TCFL5: variants seen among roughly 807,000 people sequenced by gnomAD.
TCFL5 encodes transcription factor-like 5 protein.
TCFL5 carries 9 observed loss-of-function variants against 44.3 expected under a neutral mutation model. That is an observed-to-expected ratio of 0.20 (90% confidence interval 0.12 to 0.35). TCFL5 has a LOEUF of 0.35. Among genes scored for constraint, TCFL5 ranks in the 10% least tolerant of loss-of-function variants. TCFL5 has a pLI of 1.00. For missense variants in TCFL5, 603 were observed against 613.4 expected (o/e 0.98, Z 0.18); for synonymous variants, 319 against 271.6 (o/e 1.17, Z -1.72).
At chr20:62,855,289 GT>G (rs1341480440) in intron 4 of TCFL5, among the ~76,000 whole-genome samples, 1 of 152,128 alleles carries the variant, frequency 6.6e-6, no homozygotes, top group Non-Finnish European at 1.5e-5. Flanking sequence ...AGCCTCCCAA[GT>G]AGCTGGGGCG....
In TCFL5 at chr20:62,861,487, A is replaced by G. The variant is rs2064008657; in HGVS notation, c.184T>C (p.Cys62Arg). The G allele has an allele frequency of 1.7e-6, 2 of 1,194,954 alleles. No individual in the cohort carries two copies. Among genetic ancestry groups the G allele is most frequent in the African/African-American group, 1.6e-5 (1 of 61,410 alleles). The allele number at this position is 1,194,954 out of a possible 1,614,324, so 74.0% of individuals were successfully genotyped here. ...TCAGCCGCCGCCTCCATGTGCGAGC[A>G]GAGGATGTGCTGCAGCTGCGTGTAC... ...VEYTQLQHILCSHMEAAADGE... is the reference protein window; with the variant it reads ...VEYTQLQHILRSHMEAAADGE... The change falls in exon 1 of 6, where the codon TGC (cysteine) becomes CGC (arginine). Residue 62 changes from cysteine (C) to arginine (R), a missense_variant. By Grantham distance (180) the Cys-to-Arg change is radical. Coordinates refer to ENST00000335351, the MANE Select transcript of TCFL5 (RefSeq NM_006602.4). The surrounding 1 kb of genome is among the most constrained non-coding windows in gnomAD (Gnocchi z 4.0).
chr20:62,842,002 C>T lies in TCFL5; in HGVS notation c.1476G>A (p.Gln492=). ...ACTTGATCTCCATCGAGGGGCTGCTCTGTAAACTCCCCTGTGCAGGACAGG... is the reference window on the plus strand; with the variant it reads ...ACTTGATCTCCATCGAGGGGCTGCTTTGTAAACTCCCCTGTGCAGGACAGG... ...LVTCPAQGSL[Q]SSPSMEIK The change falls in exon 6 of 6, where the codon CAG becomes CAA. Residue 492 remains glutamine, a synonymous_variant. Coordinates refer to ENST00000335351, the MANE Select transcript of TCFL5 (RefSeq NM_006602.4). The surrounding 1 kb of genome is among the most constrained non-coding windows in gnomAD (Gnocchi z 4.3). 3 of 1,614,212 alleles carry T rather than the reference C, an allele frequency of 1.9e-6. No individual in the cohort carries two copies. Among genetic ancestry groups the T allele is most frequent in the Non-Finnish European group, 2.5e-6 (3 of 1,180,036 alleles).
At chr20:62,860,990 G>A (rs1207155101) in intron 1 of TCFL5, 34 bp downstream of exon 1, 6 of 991,746 alleles carry the variant, frequency 6.0e-6, no homozygotes, top group Non-Finnish European at 7.2e-6. Flanking sequence ...GCCTCCACCC[G>A]GGCCCCGCCA....
At chr20:62,853,144 C>CAGAAGTATAGTCACCCAGTCCACAGA (rs879404279) in intron 5 of TCFL5, among the ~76,000 whole-genome samples, 1 of 137,134 alleles carries the variant, frequency 7.3e-6, no homozygotes, top group African/African-American at 2.9e-5. Flanking sequence ...ACCCGGTCCA[C>CAGAAGTATAGTCACCCAGTCCACAGA]AGTATAGTCA....
chr20:62,846,171 A>G, intron 5 of TCFL5: 1 of 1,027,540 alleles, frequency 9.7e-7, no homozygotes, highest in South Asian at 1.5e-5. Flanking sequence ...ACGATAATTT[A>G]AAAAAAAAGA....
chr20:62,845,802 A>C (rs1471963126), intron 5 of TCFL5: 2 of 1,603,584 alleles, frequency 1.2e-6, no homozygotes, highest in African/African-American at 2.7e-5. Context: ...AGGTGTGGCA[A>C]TGTGTCCAGG....
At position 62,859,484 on chromosome 20, in the gene TCFL5, G is replaced by C; in HGVS notation, c.874C>G (p.Gln292Glu). Residue 292 changes from glutamine to glutamate, a missense_variant, in exon 3 of 6, where the codon CAG becomes GAG. Gln to Glu is a conservative substitution (Grantham distance 29). Transcript: ENST00000335351. ...AATGCTCTAGGCAATCCAATATCCT[G>C]GTGCTTGGCAGCTTCAAGTACAGAA... Reference protein sequence around the residue: ...SCSVLEAAKHQDIGLPRAFSF... With the variant: ...SCSVLEAAKHEDIGLPRAFSF... 6.2e-7 allele frequency: 1 copy of C among 1,613,616 alleles called. No homozygotes were observed. The highest frequency in any genetic ancestry group is 1.1e-5 in the South Asian group (1 of 90,966).
intron 5 of TCFL5, among the ~76,000 whole-genome samples, chr20:62,850,515 G>A (rs1169991647): frequency 1.3e-5 from 2 of 151,886 alleles, no homozygotes; most frequent in African/African-American, 4.8e-5. Context: ...AAGAAGCCTT[G>A]TGCCTTTCCT....
At chr20:62,857,678 T>G in intron 3 of TCFL5, 40 bp from the exon 4 acceptor site, 1 of 1,598,972 alleles carries the variant, frequency 6.3e-7, no homozygotes, top group Non-Finnish European at 8.5e-7. Context: ...AATTTTGTAT[T>G]CTTATCTCAA....
Position 62,842,496 on chromosome 20 carries a change from T to G in TCFL5, c.1381-399A>C, listed in dbSNP as rs1370611913. On this transcript the variant is annotated intron_variant, in intron 5 of 5. Transcript: ENST00000335351. This position sits in a 1 kb window ranked among gnomAD's most constrained non-coding sequence, Gnocchi z 4.3. Reference sequence around the variant, plus strand: ...AACGTTTCAGGCCGGGCGTGGCGGCTCACGCCTATAATCCCAGCACTTTGG... The same window carrying G: ...AACGTTTCAGGCCGGGCGTGGCGGCGCACGCCTATAATCCCAGCACTTTGG... Among the ~76,000 whole-genome samples the G allele has an allele frequency of 8.5e-5, 13 of 152,344 alleles. No individual in the cohort carries two copies. In the South Asian group the frequency reaches 2.7e-3, roughly 32 times the overall value.
chr20:62,853,927 G>C, intron 5 of TCFL5, 89 bp downstream of exon 5: 2 of 1,406,868 alleles, frequency 1.4e-6, no homozygotes, highest in Non-Finnish European at 2.0e-6. Flanking sequence ...AGGAAACAAA[G>C]GATAGTTTGA....
rs912326450 is a variant in TCFL5, at chr20:62,841,006, G to A, written c.*969C>T. On this transcript the variant is annotated 3_prime_UTR_variant, in exon 6 of 6. Transcript: ENST00000335351. ...TATAAAAGGTTGTGTACAACTCCAC[G>A]AGGTGAAAAATATTCAGTAACTTGT... 7 of 445,384 alleles carry A rather than the reference G, an allele frequency of 1.6e-5. No individual in the cohort carries two copies. Among genetic ancestry groups the A allele is most frequent in the African/African-American group, 8.0e-5 (4 of 50,000 alleles). 27.6% of individuals were successfully genotyped at this position (445,384 alleles called of 1,614,324 possible).
chr20:62,852,072 T>G, intron 5 of TCFL5: 14 of 985,358 alleles, frequency 1.4e-5, no homozygotes, highest in Non-Finnish European at 1.7e-5. Flanking sequence ...TCCCAAGTGC[T>G]GGGATCACAG....
chr20:62,860,896 G>A, intron 1 of TCFL5, 128 bp downstream of exon 1: 1 of 782,590 alleles, frequency 1.3e-6, no homozygotes, highest in Non-Finnish European at 1.6e-6. Context: ...TGAGGTCCGC[G>A]CCCTGTGCCG....
chr20:62,845,698 A>C (rs777249516), intron 5 of TCFL5: 1 of 1,606,684 alleles, frequency 6.2e-7, no homozygotes, highest in Non-Finnish European at 8.5e-7. Flanking sequence ...GAAATCGAGG[A>C]CTTCCAATAT....
At chr20:62,859,548 G>C (rs1433251530) in intron 2 of TCFL5, 22 bp from the exon 3 acceptor site, 1 of 1,601,082 alleles carries the variant, frequency 6.2e-7, no homozygotes, top group East Asian at 2.2e-5. Context: ...TGAAGCAACA[G>C]GAATTTTATC....
chr20:62,846,157 A>G, intron 5 of TCFL5: 2 of 1,197,370 alleles, frequency 1.7e-6, no homozygotes, highest in South Asian at 1.3e-5. Flanking sequence ...TCTAAATTTA[A>G]AAGACGATAA....
chr20:62,856,705 CAAAAAAAAA>C (rs11470406), intron 4 of TCFL5, among the ~76,000 whole-genome samples: 1 of 100,270 alleles, frequency 1.0e-5, no homozygotes, highest in African/African-American at 3.9e-5. Flanking sequence ...GACTCCGTCT[CAAAAAAAAA>C]AAAAAAAAAA....
chr20:62,846,838 A>C (rs2063750527), intron 5 of TCFL5, among the ~76,000 whole-genome samples: 1 of 152,120 alleles, frequency 6.6e-6, no homozygotes, highest in Non-Finnish European at 1.5e-5. Context: ...CTTAGTAAGA[A>C]AAAAGAAATA....
Sources: allele counts gnomAD v4.1 joint callset (sites outside exome capture counted in the v4.1 genomes callset), GRCh38; gene constraint gnomAD v4.1.1; non-coding constraint Gnocchi (gnomAD v3.1); transcripts MANE v1.5; gene names NCBI Gene and HGNC (gene_info 2026-07-23, HGNC 2026-07-21).